Variants in LARP1 observed in about 807,000 individuals in gnomAD.
LARP1 encodes the protein La ribonucleoprotein 1, translational regulator.
LARP1 carries 36 observed loss-of-function variants against 122.7 expected under a neutral mutation model. The observed-to-expected ratio is 0.29, with a 90% confidence interval of 0.22 to 0.39. LARP1 has a LOEUF of 0.39. LARP1 is among the 10% of genes least tolerant of loss of function. LARP1 has a pLI of 1.00. For missense variants in LARP1, 1,040 were observed against 1,403.6 expected, an observed-to-expected ratio of 0.74 and a Z score of 4.14; for synonymous variants, 539 against 528.7, an observed-to-expected ratio of 1.02 and a Z score of -0.27.
rs1756292820 is a variant in LARP1, at chr5:154,727,485, G to A, written c.205+14355G>A. Among the ~76,000 whole-genome samples the A allele has an allele frequency of 2.6e-5, 4 of 152,142 alleles. No individual in the cohort carries two copies. In the South Asian group the frequency reaches 8.3e-4, roughly 32 times the overall value. On this transcript the variant is annotated intron_variant, in intron 1 of 18. Transcript: ENST00000336314. Reference sequence around the variant, plus strand: ...GTAGAATGGTGGTTACCAAGGTGTAGGGTAGTTGTGGGGGAAGGGAGAATT... The same window carrying A: ...GTAGAATGGTGGTTACCAAGGTGTAAGGTAGTTGTGGGGGAAGGGAGAATT...
intron 1 of LARP1, among the ~76,000 whole-genome samples, chr5:154,780,078 G>A (rs1458493627): frequency 6.6e-6 from 1 of 152,020 alleles, no homozygotes. Flanking sequence ...GGGGGAACTA[G>A]TTGCTACTCG....
intron 18 of LARP1, among the ~76,000 whole-genome samples, chr5:154,812,544 GA>G (rs1759368960): frequency 8.4e-6 from 1 of 119,062 alleles, no homozygotes. Context: ...TTTGGAGACA[GA>G]GTCTTGCTCT....
chr5:154,806,347 T>TC (rs1758782679), intron 15 of LARP1, among the ~76,000 whole-genome samples: 1 of 152,198 alleles, frequency 6.6e-6, no homozygotes, highest in Non-Finnish European at 1.5e-5. Context: ...TAGTCCACTG[T>TC]CCATCACAAA....
chr5:154,765,068 T>C (rs1239415562), intron 1 of LARP1, among the ~76,000 whole-genome samples: 1 of 152,152 alleles, frequency 6.6e-6, no homozygotes, highest in Non-Finnish European at 1.5e-5. Flanking sequence ...AGCCCTCTGG[T>C]AACTTCTTAG....
rs1758505675 is a variant in LARP1 at position 154,803,474 on chromosome 5, G to A, written c.2233+61G>A. On this transcript the variant is annotated intron_variant, in intron 12 of 18. Coordinates refer to ENST00000518297, the MANE Select transcript of LARP1 (RefSeq NM_033551.3). This position sits in a 1 kb window ranked among gnomAD's most constrained non-coding sequence, Gnocchi z 4.4. ...AGAGGATCTAGGGCCCTTGGACTGG[G>A]GGCTATCCTGGGGTGGATGCCACAG... The A allele has an allele frequency of 1.2e-6, 2 of 1,613,944 alleles. No homozygotes were observed. The highest frequency in any genetic ancestry group is 1.7e-6 in the Non-Finnish European group (2 of 1,179,948).
At chr5:154,773,107 C>T (rs1664595397) in intron 1 of LARP1, among the ~76,000 whole-genome samples, 4 of 151,390 alleles carry the variant, frequency 2.6e-5, no homozygotes, top group Admixed American at 2.6e-4. Flanking sequence ...GAAGTTTAGT[C>T]CGCCCAGTTT....
At chr5:154,781,893 A>G (rs1756479805) in intron 1 of LARP1, among the ~76,000 whole-genome samples, 1 of 152,226 alleles carries the variant, frequency 6.6e-6, no homozygotes, top group South Asian at 2.1e-4. Context: ...AATTGATTGC[A>G]GTCTAGTGGA....
intron 4 of LARP1, among the ~76,000 whole-genome samples, chr5:154,793,349 G>T (rs39953): frequency 0.05 from 7,612 of 152,250 alleles, 326 homozygotes; most frequent in African/African-American, 0.12. Flanking sequence ...GACTCCAGAA[G>T]GGGATTCTGT....
At chr5:154,710,745 A>G (rs915994137), upstream of LARP1, among the ~76,000 whole-genome samples, 168 of 47,656 alleles carry the variant, frequency 3.5e-3, no homozygotes, top group African/African-American at 9.1e-3. Flanking sequence ...TCCATCTCAA[A>G]AAAAAAAAAA....
In LARP1 at chr5:154,793,871, C is replaced by G. The variant is rs763321852; in HGVS notation, c.940C>G (p.Pro314Ala). ...PAWQPEIKPE[P>A]AWHDQDETSS... Reference sequence around the variant, plus strand: ...CTGGCAACCAGAGATCAAACCGGAGCCTGCCTGGCACGACCAGGATGAGAC... The same window carrying G: ...CTGGCAACCAGAGATCAAACCGGAGGCTGCCTGGCACGACCAGGATGAGAC... Residue 314 changes from proline to alanine, a missense_variant, in exon 6 of 19, where the codon CCT becomes GCT. Pro to Ala is a conservative substitution (Grantham distance 27). Coordinates refer to ENST00000518297, the MANE Select transcript of LARP1 (RefSeq NM_033551.3). 6.2e-7 allele frequency: 1 copy of G among 1,614,180 alleles called. No homozygotes were observed.
At chr5:154,764,309 CAAA>C (rs763026015) in intron 1 of LARP1, among the ~76,000 whole-genome samples, 3 of 112,726 alleles carry the variant, frequency 2.7e-5, no homozygotes, top group African/African-American at 3.2e-5. Flanking sequence ...GACTTCATCT[CAAA>C]AAAAAAAAAA....
rs763763310 is a variant in LARP1 at position 154,794,222 on chromosome 5, G to A, written c.1192G>A (p.Val398Met). 1 of 1,614,222 alleles carries A rather than the reference G, an allele frequency of 6.2e-7. No individual in the cohort carries two copies. The highest frequency in any genetic ancestry group is 8.5e-7 in the Non-Finnish European group (1 of 1,180,044). The change falls in exon 7 of 19, where the codon GTG becomes ATG. Residue 398 changes from valine to methionine, a missense_variant. Physicochemically the swap from Val to Met is conservative, Grantham distance 21 (BLOSUM62 1). Transcript: ENST00000518297. ...DNVSSTELYS[V>M]DQELLKDYIK... ...TGTCAGCAGCACCGAGCTTTACAGT[G>A]TGGATCAGGAACTGCTCAAAGACTA...
intron 1 of LARP1, among the ~76,000 whole-genome samples, chr5:154,686,695 A>C (rs941370687): frequency 3.9e-5 from 6 of 152,106 alleles, no homozygotes; most frequent in African/African-American, 1.2e-4. Flanking sequence ...TTCACTCATT[A>C]CTGTCCCTTT....
At chr5:154,741,923 C>G (rs1752904972) in intron 1 of LARP1, among the ~76,000 whole-genome samples, 1 of 152,158 alleles carries the variant, frequency 6.6e-6, no homozygotes, top group African/African-American at 2.4e-5. Context: ...CAAAATGAGC[C>G]CAGCCCAGCT....
At chr5:154,789,569 A>G (rs1165859671) in intron 1 of LARP1, among the ~76,000 whole-genome samples, 4 of 152,154 alleles carry the variant, frequency 2.6e-5, no homozygotes, top group Non-Finnish European at 5.9e-5. Flanking sequence ...ATTAGTAGAG[A>G]TCATTATCTT....
intron 1 of LARP1, among the ~76,000 whole-genome samples, chr5:154,742,788 AC>A (rs1752973166): frequency 6.6e-6 from 1 of 152,102 alleles, no homozygotes. Flanking sequence ...ATGGGAAGAA[AC>A]TTCCAGAATA....
At chr5:154,797,717 G>A (rs920339154) in intron 8 of LARP1, among the ~76,000 whole-genome samples, 9 of 150,348 alleles carry the variant, frequency 6.0e-5, no homozygotes, top group Non-Finnish European at 1.2e-4. Flanking sequence ...TAAAGAGAGA[G>A]GGTCTTGCTC....
chr5:154,790,179 G>A (rs17116433), intron 1 of LARP1, 146 bp from the exon 2 acceptor site: 54,131 of 599,944 alleles, frequency 0.09, 2,879 homozygotes, highest in African/African-American at 0.17. Context: ...GTTTGAGCAC[G>A]TGTCTTTCCC....
Position 154,755,849 on chromosome 5 carries a change from C to A in LARP1, c.92C>A (p.Pro31Gln), listed in dbSNP as rs1339114670. Residue 31 changes from proline to glutamine, a missense_variant, in exon 1 of 19, where the codon CCG becomes CAG. This residue lies in a region of LARP1 where 257 missense variants were observed against 273.3 expected (regional missense o/e 0.94). Transcript: ENST00000518297. Reference protein sequence around the residue: ...HGGLVRKKPPPAPEGKGEPGP... With the variant: ...HGGLVRKKPPQAPEGKGEPGP... ...GGGCTGGTGAGGAAGAAGCCGCCGC[C>A]GGCGCCCGAGGGCAAGGGCGAGCCC... is the stretch of plus-strand genomic sequence containing the variant. The A allele has an allele frequency of 4.2e-5, 42 of 1,004,744 alleles. No individual in the cohort carries two copies. The highest frequency in any genetic ancestry group is 5.0e-5 in the Non-Finnish European group (42 of 841,360). 62.2% of individuals were successfully genotyped at this position (1,004,744 alleles called of 1,614,324 possible). A position where few individuals can be genotyped will look rare whatever the true frequency, so the allele number is the denominator to read the frequency against.
Sources: gnomAD v4.1 joint callset for allele counts (sites outside exome capture counted in the v4.1 genomes callset) on GRCh38, gnomAD v4.1.1 for gene constraint, gnomAD v4.1.1 regional missense constraint, Gnocchi (gnomAD v3.1) non-coding constraint, MANE v1.5 for transcripts, NCBI Gene and HGNC (gene_info 2026-07-23, HGNC 2026-07-21) for gene names.